The following VAT1L variants were observed in gnomAD, a reference collection of about 807,000 sequenced individuals.
VAT1L encodes the protein putative NADPH-dependent quinone oxidoreductase VAT1L.
A neutral mutation model predicts 44.1 loss-of-function variants in VAT1L; 34 were observed. That is an observed-to-expected ratio of 0.77 (90% CI 0.59 to 1.03). The LOEUF is 1.03. Ranked by LOEUF, VAT1L falls within the 50% of genes least tolerant of loss-of-function variation. VAT1L has a pLI of 0.00. For missense variants in VAT1L, 615 were observed against 538.8 expected, an observed-to-expected ratio of 1.14 and a Z score of -1.40; for synonymous variants, 253 against 202.2, an observed-to-expected ratio of 1.25 and a Z score of -2.13.
At chr16:77,931,402 A>G (rs1294276884) in intron 7 of VAT1L, among the ~76,000 whole-genome samples, 1 of 152,220 alleles carries the variant, frequency 6.6e-6, no homozygotes, top group East Asian at 1.9e-4. Context: ...CAGCCTACAT[A>G]GAAATAACTT....
At chr16:77,816,857 C>A in intron 1 of VAT1L, 64 bp from the exon 2 acceptor site, 1 of 1,476,454 alleles carries the variant, frequency 6.8e-7, no homozygotes, top group East Asian at 2.5e-5. Flanking sequence ...AAAAGAAAAC[C>A]AGGTCGGTGC....
At chr16:77,966,940 A>C (rs1331941121) in intron 7 of VAT1L, among the ~76,000 whole-genome samples, 2 of 67,548 alleles carry the variant, frequency 3.0e-5, no homozygotes, top group African/African-American at 9.4e-5. Flanking sequence ...TTTAAAAAAA[A>C]AAAAAAAAAA....
intron 8 of VAT1L, among the ~76,000 whole-genome samples, chr16:77,976,554 C>G (rs752309596): frequency 1.4e-4 from 22 of 152,220 alleles, no homozygotes; most frequent in Non-Finnish European, 2.8e-4. Flanking sequence ...CAGCCAAGGA[C>G]TCAAGTGTGG....
intron 3 of VAT1L, among the ~76,000 whole-genome samples, chr16:77,838,872 C>T (rs541388542): frequency 7.7e-4 from 117 of 151,158 alleles, no homozygotes; most frequent in Non-Finnish European, 1.4e-3. Context: ...CCCCTTTATT[C>T]TTTCTCTCCA....
chr16:77,965,878 A>G (rs1348455810), intron 7 of VAT1L, among the ~76,000 whole-genome samples: 2 of 152,256 alleles, frequency 1.3e-5, no homozygotes, highest in South Asian at 2.1e-4. Flanking sequence ...CTTTTGCACT[A>G]TGGACTCTGA....
At chr16:77,889,166 C>T (rs1275556791) in intron 7 of VAT1L, among the ~76,000 whole-genome samples, 1 of 152,296 alleles carries the variant, frequency 6.6e-6, no homozygotes, top group South Asian at 2.1e-4. Context: ...TCTATAACTT[C>T]ATCTATGGAA....
Position 77,977,786 on chromosome 16 carries a change from G to A in VAT1L, c.*91G>A, listed in dbSNP as rs1374154225. The A allele has an allele frequency of 5.7e-6, 7 of 1,229,794 alleles. 1 individual carries two copies. The Admixed American group carries it at 8.0e-5, about 14-fold the overall frequency. The allele number at this position is 1,229,794 out of a possible 1,614,324, so 76.2% of individuals were successfully genotyped here. A position where few individuals can be genotyped will look rare whatever the true frequency, so the allele number is the denominator to read the frequency against. On this transcript the variant is annotated 3_prime_UTR_variant, in exon 9 of 9. Coordinates refer to ENST00000302536, the MANE Select transcript of VAT1L (RefSeq NM_020927.3). The stretch of plus-strand genomic sequence containing the variant: ...TTCTGTGCCCCAGTGAACAAATGCT[G>A]TAGTCCAGTGCGTGTCGTGTTTGTC...
rs1292186077 is a variant in VAT1L, at chr16:77,860,119, A to T, written c.580-2629A>T. Reference sequence around the variant, plus strand: ...CAAGCCGAGGAGAAAGGCCTGGAATAGATCTTTCGCTCACATCCCTCAGAA... The same window carrying T: ...CAAGCCGAGGAGAAAGGCCTGGAATTGATCTTTCGCTCACATCCCTCAGAA... On this transcript the variant is annotated intron_variant, in intron 3 of 8. Coordinates refer to ENST00000302536, the MANE Select transcript of VAT1L (RefSeq NM_020927.3). Among the ~76,000 whole-genome samples the T allele has an allele frequency of 2.0e-5, 3 of 152,202 alleles. 1 individual carries two copies. The highest frequency in any genetic ancestry group is 2.0e-4 in the Admixed American group (3 of 15,276).
intron 3 of VAT1L, among the ~76,000 whole-genome samples, chr16:77,851,812 C>A (rs945040449): frequency 1.3e-5 from 2 of 152,138 alleles, no homozygotes; most frequent in Non-Finnish European, 2.9e-5. Context: ...CCTGTCAGTG[C>A]CATAGCTAGG....
At chr16:77,890,166 T>C (rs947214049) in intron 7 of VAT1L, among the ~76,000 whole-genome samples, 1 of 151,726 alleles carries the variant, frequency 6.6e-6, no homozygotes, top group Non-Finnish European at 1.5e-5. Flanking sequence ...TAGGAAAGGA[T>C]AGGAATGATT....
intron 7 of VAT1L, among the ~76,000 whole-genome samples, chr16:77,959,302 G>A (rs539301160): frequency 4.6e-5 from 7 of 152,230 alleles, no homozygotes; most frequent in African/African-American, 9.6e-5. Context: ...TGGGGCTCAC[G>A]CACTTTAGAC....
chr16:77,938,544 A>C (rs1394001282), intron 7 of VAT1L, among the ~76,000 whole-genome samples: 1 of 151,960 alleles, frequency 6.6e-6, no homozygotes, highest in Non-Finnish European at 1.5e-5. Context: ...TTCTCATGAG[A>C]TCTGGTTGTT....
intron 4 of VAT1L, among the ~76,000 whole-genome samples, chr16:77,874,218 A>C (rs1377950961): frequency 6.6e-6 from 1 of 152,064 alleles, no homozygotes; most frequent in African/African-American, 2.4e-5. Flanking sequence ...AGGCAAGGGG[A>C]GAGGTCTTGG....
At chr16:77,936,305 A>C (rs990550323) in intron 7 of VAT1L, among the ~76,000 whole-genome samples, 4 of 152,196 alleles carry the variant, frequency 2.6e-5, no homozygotes, top group African/African-American at 7.2e-5. Context: ...TCCACTTTAG[A>C]GCTAAAGAAA....
At chr16:77,865,311 G>C (rs144997710) in intron 4 of VAT1L, among the ~76,000 whole-genome samples, 1 of 152,204 alleles carries the variant, frequency 6.6e-6, no homozygotes, top group African/African-American at 2.4e-5. Flanking sequence ...GCTGTGGTCT[G>C]GAAAATGAAC....
At chr16:77,823,010 A>G (rs2016477387) in intron 2 of VAT1L, among the ~76,000 whole-genome samples, 1 of 152,076 alleles carries the variant, frequency 6.6e-6, no homozygotes, top group Non-Finnish European at 1.5e-5. Context: ...CCCAGGTCTG[A>G]ATGGTGCCAA....
intron 4 of VAT1L, among the ~76,000 whole-genome samples, chr16:77,866,483 T>C (rs915179751): frequency 1.3e-5 from 2 of 151,894 alleles, no homozygotes; most frequent in Non-Finnish European, 2.9e-5. Context: ...TCTCGGTGCA[T>C]GTAGACTTAA....
chr16:77,964,403 G>A (rs1156669264), intron 7 of VAT1L, among the ~76,000 whole-genome samples: 5 of 152,058 alleles, frequency 3.3e-5, no homozygotes, highest in South Asian at 2.1e-4. Context: ...CAGAGGCCAC[G>A]TGCGTTTTTC....
intron 2 of VAT1L, among the ~76,000 whole-genome samples, chr16:77,819,577 T>G (rs572124763): frequency 6.6e-6 from 1 of 152,146 alleles, no homozygotes; most frequent in East Asian, 1.9e-4. Context: ...AAGACAGGGT[T>G]TCACCGTGTT....
Sources: allele counts gnomAD v4.1 joint callset (sites outside exome capture counted in the v4.1 genomes callset), GRCh38; gene constraint gnomAD v4.1.1; transcripts MANE v1.5; gene names NCBI Gene and HGNC (gene_info 2026-07-23, HGNC 2026-07-21).